PHC3: variants seen among roughly 807,000 people sequenced by gnomAD.
The protein encoded by PHC3 is polyhomeotic homolog 3.
PHC3 carries 13 observed loss-of-function variants against 107.4 expected under a neutral mutation model. The observed-to-expected ratio is 0.12, with a 90% CI of 0.08 to 0.19. The LOEUF (loss-of-function observed/expected upper bound fraction) is 0.19. PHC3 is among the 10% of genes least tolerant of loss of function. The pLI, the probability that PHC3 is intolerant of heterozygous loss-of-function variation, is 1.00. For missense variants in PHC3, 992 were observed against 1,210.9 expected (o/e 0.82, Z 2.68); for synonymous variants, 456 against 427.4 (o/e 1.07, Z -0.83).
chr3:170,089,985 T>C lies in PHC3; in HGVS notation c.*7245A>G, dbSNP rs1713923226. 1 of 151,506 alleles carries C rather than the reference T, an allele frequency of 6.6e-6. No individual in the cohort carries two copies. Among genetic ancestry groups the C allele is most frequent in the South Asian group, 2.1e-4 (1 of 4,798 alleles). 9.4% of individuals were successfully genotyped at this position (151,506 alleles called of 1,614,324 possible). On this transcript the variant is annotated 3_prime_UTR_variant, in exon 15 of 15. Coordinates refer to ENST00000495893, the MANE Select transcript of PHC3 (RefSeq NM_024947.4). ...ACTGTCAATACTGGGTAAAAAGCTC[T>C]TATATCAACACCAGCTTTTTTTTTG...
At chr3:170,103,020 G>GA in intron 12 of PHC3, 86 bp from the exon 13 acceptor site, 1 of 1,260,440 alleles carries the variant, frequency 7.9e-7, no homozygotes, top group Non-Finnish European at 1.1e-6. Context: ...GTGCAACTGT[G>GA]AATCAGTAAG....
chr3:170,181,638 G>A (rs890563160), intron 1 of PHC3, 64 bp downstream of exon 1: 10 of 1,610,466 alleles, frequency 6.2e-6, no homozygotes, highest in Non-Finnish European at 8.5e-6. Flanking sequence ...TCCCCTGGGG[G>A]AACGTGTCGC....
At chr3:170,146,709 T>C (rs1316711142) in intron 5 of PHC3, among the ~76,000 whole-genome samples, 5 of 150,582 alleles carry the variant, frequency 3.3e-5, no homozygotes, top group African/African-American at 7.3e-5. Flanking sequence ...ATTTTTGTAT[T>C]ATTAGTAGAG....
intron 6 of PHC3, among the ~76,000 whole-genome samples, chr3:170,143,073 A>T (rs1029215580): frequency 6.6e-6 from 1 of 152,164 alleles, no homozygotes; most frequent in Admixed American, 6.5e-5. Context: ...GCCACTCAGG[A>T]GGCTGAGGTG....
rs1730925892 is a variant in PHC3, at chr3:170,178,797, A to G, written c.156T>C (p.Ser52=). 1.9e-6 allele frequency: 3 copies of G among 1,614,042 alleles called. No individual in the cohort carries two copies. The highest frequency in any genetic ancestry group is 2.5e-6 in the Non-Finnish European group (3 of 1,179,888). The change falls in exon 2 of 15, where the codon AGT becomes AGC. Residue 52 remains serine (S), a synonymous_variant. Transcript: ENST00000495893. ...CCTGTACAGCATGTCGGTCTGAACC[A>G]CTGTAGACAGAGATCTGTGGCTGCT... ...RMQQPQISVY[S]GSDRHAVQVI...
intron 4 of PHC3, among the ~76,000 whole-genome samples, chr3:170,156,417 T>C (rs986480247): frequency 6.7e-6 from 1 of 150,348 alleles, no homozygotes; most frequent in Non-Finnish European, 1.5e-5. Flanking sequence ...CTACCATGCA[T>C]GGCTAATTTT....
intron 6 of PHC3, among the ~76,000 whole-genome samples, chr3:170,138,128 G>A (rs756935429): frequency 3.5e-4 from 53 of 152,256 alleles, no homozygotes; most frequent in Non-Finnish European, 5.4e-4. Context: ...GGGAGGCGGA[G>A]GCTGCAGTGA....
intron 7 of PHC3, among the ~76,000 whole-genome samples, chr3:170,133,776 T>C (rs182932195): frequency 1.3e-5 from 2 of 152,292 alleles, no homozygotes; most frequent in East Asian, 3.9e-4. Context: ...ACTATAAGCA[T>C]ATTATCACAC....
At position 170,117,316 on chromosome 3, in the gene PHC3, C is replaced by T; in HGVS notation, c.2103G>A (p.Glu701=). 1 of 1,613,856 alleles carries T rather than the reference C, an allele frequency of 6.2e-7. No individual in the cohort carries two copies. Among genetic ancestry groups the T allele is most frequent in the Non-Finnish European group, 8.5e-7 (1 of 1,179,840 alleles). ...TAACAATAGCCTGTGGAGGTTTGTT[C>T]TCTATACTGGGAATGCTACTGTGCA... ...TSMHSSIPSI[E]NKPPQAIVKP... Residue 701 remains glutamate, a synonymous_variant, in exon 10 of 15, where the codon GAG becomes GAA. Coordinates refer to ENST00000495893, the MANE Select transcript of PHC3 (RefSeq NM_024947.4).
At chr3:170,127,565 G>GT (rs1721540932) in intron 8 of PHC3, among the ~76,000 whole-genome samples, 1 of 152,158 alleles carries the variant, frequency 6.6e-6, no homozygotes, top group Non-Finnish European at 1.5e-5. Flanking sequence ...CTATACATTT[G>GT]TATCATGAGA....
chr3:170,110,165 T>C (rs142565929), intron 11 of PHC3, among the ~76,000 whole-genome samples: 1,918 of 152,200 alleles, frequency 0.013, 46 homozygotes, highest in African/African-American at 0.044. Flanking sequence ...ACATGCAAAA[T>C]TTATACATAC....
chr3:170,149,549 G>C (rs1425696317), intron 4 of PHC3, among the ~76,000 whole-genome samples: 1 of 152,032 alleles, frequency 6.6e-6, no homozygotes, highest in Non-Finnish European at 1.5e-5. Flanking sequence ...CCGCCTCCTG[G>C]GTTCAAGTGA....
At chr3:170,146,817 G>C (rs2108574045) in intron 5 of PHC3, among the ~76,000 whole-genome samples, 1 of 150,122 alleles carries the variant, frequency 6.7e-6, no homozygotes, top group Non-Finnish European at 1.5e-5. Flanking sequence ...ACAGGCGTGA[G>C]CCACCGTGCC....
chr3:170,178,378 G>A (rs900387735), intron 2 of PHC3, among the ~76,000 whole-genome samples: 9 of 151,932 alleles, frequency 5.9e-5, no homozygotes, highest in African/African-American at 1.5e-4. Flanking sequence ...TGATCCGCCC[G>A]CCTCGGCCTC....
intron 9 of PHC3, among the ~76,000 whole-genome samples, chr3:170,118,575 A>G (rs144859181): frequency 6.6e-6 from 1 of 151,706 alleles, no homozygotes; most frequent in Non-Finnish European, 1.5e-5. Flanking sequence ...CCATGCCTGG[A>G]TAATTTTTTG....
chr3:170,089,371 C>A lies in PHC3; in HGVS notation c.*7859G>T, dbSNP rs768346019. ...TGATTCTCCCATTCAATGTTTACCC[C>A]CTAGATACTTAACAATTCAAGCATG... On this transcript the variant is annotated 3_prime_UTR_variant, in exon 15 of 15. Transcript: ENST00000495893. The A allele has an allele frequency of 2.0e-5, 3 of 152,040 alleles. No homozygotes were observed. The highest frequency in any genetic ancestry group is 4.4e-5 in the Non-Finnish European group (3 of 68,004). The allele number at this position is 152,040 out of a possible 1,614,324, so 9.4% of individuals were successfully genotyped here.
chr3:170,165,920 C>T (rs1043421047), intron 4 of PHC3, among the ~76,000 whole-genome samples: 1 of 147,950 alleles, frequency 6.8e-6, no homozygotes, highest in Non-Finnish European at 1.5e-5. Flanking sequence ...CTGGACAACA[C>T]AGTGAGACCC....
intron 13 of PHC3, 23 bp downstream of exon 13, chr3:170,102,779 A>G: frequency 6.2e-7 from 1 of 1,613,546 alleles, no homozygotes; most frequent in Non-Finnish European, 8.5e-7. Flanking sequence ...GGTATTTTAC[A>G]TTGAAGCAAG....
At chr3:170,149,946 T>C (rs1013685414) in intron 4 of PHC3, 16 of 152,344 alleles carry the variant, frequency 1.1e-4, no homozygotes, top group Middle Eastern at 3.4e-3. Context: ...AGCTTTCCAT[T>C]AGTTTTAATA....
Sources: allele counts gnomAD v4.1 joint callset (sites outside exome capture counted in the v4.1 genomes callset), GRCh38; gene constraint gnomAD v4.1.1; transcripts MANE v1.5; gene names NCBI Gene and HGNC (gene_info 2026-07-23, HGNC 2026-07-21).